ECSIT: variants seen among roughly 807,000 people sequenced by gnomAD.
ECSIT encodes evolutionarily conserved signaling intermediate in Toll pathway, mitochondrial.
A neutral mutation model predicts 36.8 loss-of-function variants in ECSIT; 29 were observed. The observed-to-expected ratio is 0.79, with a 90% confidence interval of 0.59 to 1.08. The LOEUF (loss-of-function observed/expected upper bound fraction) is 1.08, where lower values mean the gene tolerates loss of function less well. Ranked by LOEUF, ECSIT falls within the 50% of genes least tolerant of loss-of-function variation. The pLI, the probability that ECSIT is intolerant of heterozygous loss-of-function variation, is 0.00. For missense variants in ECSIT, 542 were observed against 581.0 expected (o/e 0.93, Z 0.69); for synonymous variants, 231 against 234.8 (o/e 0.98, Z 0.15).
At chr19:11,508,379 T>A (rs968544458) in intron 4 of ECSIT, among the ~76,000 whole-genome samples, 1 of 147,614 alleles carries the variant, frequency 6.8e-6, no homozygotes, top group Non-Finnish European at 1.5e-5. Context: ...AGCACTTAAT[T>A]CCGATTTTTT....
intron 1 of ECSIT, chr19:11,523,919 T>C (rs919168074): frequency 4.6e-5 from 17 of 372,580 alleles, no homozygotes; most frequent in Non-Finnish European, 8.7e-5. Context: ...GGGCTATTAG[T>C]AGTTAAGATT....
chr19:11,514,419 G>T (rs1971945327), intron 2 of ECSIT, among the ~76,000 whole-genome samples, 198 bp from the exon 3 acceptor site: 1 of 152,158 alleles, frequency 6.6e-6, no homozygotes, highest in South Asian at 2.1e-4. Flanking sequence ...GAGGAAACAG[G>T]CACTGTTAGC....
intron 1 of ECSIT, among the ~76,000 whole-genome samples, chr19:11,520,754 G>A (rs142022002): frequency 0.012 from 1,817 of 149,916 alleles, 34 homozygotes; most frequent in African/African-American, 0.041. Context: ...CTTGTGATCC[G>A]TCCGCCTCAG....
chr19:11,509,392 T>C (rs973065209), intron 4 of ECSIT, among the ~76,000 whole-genome samples: 1 of 151,392 alleles, frequency 6.6e-6, no homozygotes, highest in African/African-American at 2.4e-5. Context: ...TTTTTTTTTT[T>C]AACAAAATGC....
intron 1 of ECSIT, among the ~76,000 whole-genome samples, chr19:11,521,046 T>G (rs1259121986): frequency 6.6e-6 from 1 of 152,136 alleles, no homozygotes; most frequent in Admixed American, 6.6e-5. Flanking sequence ...CATCAAGTGA[T>G]CCACCCACCT....
At chr19:11,528,947 T>C (rs1972271141) in intron 1 of ECSIT, 115 bp downstream of exon 1, 2 of 152,236 alleles carry the variant, frequency 1.3e-5, no homozygotes, top group South Asian at 2.1e-4. Flanking sequence ...CGAAAGGTCA[T>C]GGCGCCCTGG....
intron 4 of ECSIT, among the ~76,000 whole-genome samples, chr19:11,508,394 T>TTTTTTTTTTTTTTTTTTTTTTTTTTTTG (rs1971803048): frequency 6.7e-6 from 1 of 150,026 alleles, no homozygotes. Context: ...TTTTTTTTTT[T>TTTTTTTTTTTTTTTTTTTTTTTTTTTTG]TTTTTAGGGA....
intron 1 of ECSIT, among the ~76,000 whole-genome samples, chr19:11,527,065 G>A (rs1377047007): frequency 1.3e-5 from 2 of 152,110 alleles, no homozygotes; most frequent in African/African-American, 2.4e-5. Context: ...TGTGGCTCAC[G>A]CCTGTAATCC....
intron 4 of ECSIT, among the ~76,000 whole-genome samples, chr19:11,511,540 G>A (rs1307122756): frequency 1.4e-4 from 21 of 152,212 alleles, no homozygotes; most frequent in Admixed American, 1.3e-3. Flanking sequence ...AATTGGCACA[G>A]AAAATAAGGA....
chr19:11,506,529 CTTTTTTTT>C (rs71166605), intron 7 of ECSIT, 101 bp from the exon 8 acceptor site: 37 of 678,336 alleles, frequency 5.5e-5, no homozygotes, highest in Middle Eastern at 4.4e-4. Flanking sequence ...CTTCCACTTC[CTTTTTTTT>C]TTTTTTTTTT....
At position 11,513,145 on chromosome 19, in the gene ECSIT, G is replaced by C; in HGVS notation, c.649C>G (p.Arg217Gly). ...FMNVNPFPVP[R>G]DLPQDPVELA... ...TCCACAGGGTCCTGGGGCAGGTCCC[G>C]GGGCACTGGGAAGGGGTTGACGTTC... Residue 217 changes from arginine to glycine, a missense_variant, in exon 4 of 8, where the codon CGG becomes GGG. Coordinates refer to ENST00000270517, the MANE Select transcript of ECSIT (RefSeq NM_016581.5). 2 of 1,614,168 alleles carry C rather than the reference G, an allele frequency of 1.2e-6. No individual in the cohort carries two copies. Among genetic ancestry groups the C allele is most frequent in the Non-Finnish European group, 1.7e-6 (2 of 1,180,028 alleles).
Position 11,506,034 on chromosome 19 carries a change from G to A in ECSIT, c.*150C>T, listed in dbSNP as rs186320473. The A allele has an allele frequency of 8.9e-4, 1,198 of 1,338,846 alleles. 12 individuals carry two copies. The African/African-American group carries it at 0.016, about 18-fold the overall frequency. The allele number at this position is 1,338,846 out of a possible 1,614,324, so 82.9% of individuals were successfully genotyped here. ...CGCCTGCCCATCGCTGGCAGCCCGA[G>A]ATCCTGGGGAGGGGATGCCATACTG... is the stretch of plus-strand genomic sequence containing the variant. On this transcript the variant is annotated 3_prime_UTR_variant, in exon 8 of 8. Transcript: ENST00000270517.
In ECSIT at chr19:11,513,973, G is replaced by C; in HGVS notation, c.345C>G (p.Arg115=). The C allele has an allele frequency of 6.2e-7, 1 of 1,614,230 alleles. No individual in the cohort carries two copies. ...GCTCGACACCATACTCCCGCATCTT[G>C]CGCAGGGCCAGGTAGATGAAGTCAA... The part of the protein sequence containing the change: ...GHIDFIYLAL[R]KMREYGVERD... Residue 115 remains arginine, a synonymous_variant, in exon 3 of 8, where the codon CGC becomes CGG. Coordinates refer to ENST00000270517, the MANE Select transcript of ECSIT (RefSeq NM_016581.5).
intron 1 of ECSIT, among the ~76,000 whole-genome samples, chr19:11,527,723 C>T (rs2145009086): frequency 6.6e-6 from 1 of 152,200 alleles, no homozygotes; most frequent in South Asian, 2.1e-4. Flanking sequence ...GGAGCAGTGG[C>T]TCATGCCTAT....
At position 11,506,346 on chromosome 19, in the gene ECSIT, C is replaced by A; in HGVS notation, c.1134G>T (p.Gln378His). 6.2e-7 allele frequency: 1 copy of A among 1,613,656 alleles called. No individual in the cohort carries two copies. Among genetic ancestry groups the A allele is most frequent in the Non-Finnish European group, 8.5e-7 (1 of 1,179,886 alleles). Residue 378 changes from glutamine (Q) to histidine (H), a missense_variant, in exon 8 of 8, where the codon CAG (glutamine) becomes CAT (histidine). Coordinates refer to ENST00000270517, the MANE Select transcript of ECSIT (RefSeq NM_016581.5). ...TCTGGGCCAGGGTTGGGTTGGTCTC[C>A]TGCAGGCCCTGGATCCACTTAGCCA... ...ATMAKWIQGL[Q>H]ETNPTLAQIP...
chr19:11,508,383 A>ATTTTTTTTTTTTATTTTTTTTT lies in ECSIT; in HGVS notation c.739-336_739-335insAAAAAAAAATAAAAAAAAAAAA, dbSNP rs1971802033. 4.0e-5 allele frequency among the ~76,000 whole-genome samples: 5 copies of ATTTTTTTTTTTTATTTTTTTTT among 124,056 alleles called. No homozygotes were observed. In the East Asian group the frequency reaches 8.7e-4, roughly 22 times the overall value. 81.4% of individuals were successfully genotyped at this position (124,056 alleles called of 152,430 possible). A position where few individuals can be genotyped will look rare whatever the true frequency, so the allele number is the denominator to read the frequency against. On this transcript the variant is annotated intron_variant, in intron 4 of 7. Coordinates refer to ENST00000270517, the MANE Select transcript of ECSIT (RefSeq NM_016581.5). ...GGGATGATAACAGCACTTAATTCCG[A>ATTTTTTTTTTTTATTTTTTTTT]TTTTTTTTTTTTTTTTAGGGATGGG...
At position 11,519,549 on chromosome 19, in the gene ECSIT, C is replaced by A. The variant is rs1414379058; in HGVS notation, c.-23-356G>T. On this transcript the variant is annotated intron_variant, in intron 1 of 7. Coordinates refer to ENST00000270517, the MANE Select transcript of ECSIT (RefSeq NM_016581.5). The surrounding 1 kb of genome is among the most constrained non-coding windows in gnomAD (Gnocchi z 4.4). ...GTCTTGCTGTGTTGCCCAGGCTGGT[C>A]TCGAACTGTTGGCTTCAAGTGATCC... Among the ~76,000 whole-genome samples the A allele has an allele frequency of 6.6e-6, 1 of 152,088 alleles. No homozygotes were observed. Among genetic ancestry groups the A allele is most frequent in the African/African-American group, 2.4e-5 (1 of 41,416 alleles).
intron 1 of ECSIT, among the ~76,000 whole-genome samples, chr19:11,527,880 G>C (rs1972247899): frequency 1.3e-5 from 2 of 152,116 alleles, no homozygotes; most frequent in South Asian, 4.1e-4. Flanking sequence ...TGTAGTTCCA[G>C]CTACTGGGAA....
chr19:11,507,528 T>C lies in ECSIT; in HGVS notation c.980A>G (p.Tyr327Cys). The change falls in exon 7 of 8, where the codon TAC (tyrosine) becomes TGC (cysteine). Residue 327 changes from tyrosine (Y) to cysteine (C), a missense_variant. Tyr to Cys is a radical substitution (Grantham distance 194, BLOSUM62 -2). Coordinates refer to ENST00000270517, the MANE Select transcript of ECSIT (RefSeq NM_016581.5). ...CTCCAGGTCCAGCTGCATCGGGTAG[T>C]AGAGGTTCCACTCCTCCGGCGTCTC... ...VEETPEEWNL[Y>C]YPMQLDLEYV... 6.2e-7 allele frequency: 1 copy of C among 1,614,076 alleles called. No homozygotes were observed. The highest frequency in any genetic ancestry group is 8.5e-7 in the Non-Finnish European group (1 of 1,180,010).
Sources: allele counts gnomAD v4.1 joint callset (sites outside exome capture counted in the v4.1 genomes callset), GRCh38; gene constraint gnomAD v4.1.1; non-coding constraint Gnocchi (gnomAD v3.1); transcripts MANE v1.5; gene names NCBI Gene and HGNC (gene_info 2026-07-23, HGNC 2026-07-21).